CNTNAP2: variants seen among roughly 807,000 people sequenced by gnomAD.
CNTNAP2 encodes the protein contactin associated protein 2, also known as contactin-associated protein-like 2.
CNTNAP2 carries 98 observed loss-of-function variants against 155.2 expected under a neutral mutation model. The observed-to-expected ratio is 0.63, with a 90% CI of 0.54 to 0.75. The LOEUF (loss-of-function observed/expected upper bound fraction) is 0.75, where lower values mean the gene tolerates loss of function less well. CNTNAP2 is among the 30% of genes least tolerant of loss of function. The pLI, the probability that CNTNAP2 is intolerant of heterozygous loss-of-function variation, is 0.00. For synonymous variants in CNTNAP2, 651 were observed against 631.2 expected (o/e 1.03, Z -0.47); for missense variants, 1,727 against 1,688.1 (o/e 1.02, Z -0.40).
intron 16 of CNTNAP2, among the ~76,000 whole-genome samples, chr7:148,119,659 G>A (rs1427117404): frequency 6.6e-6 from 1 of 152,180 alleles, no homozygotes; most frequent in Non-Finnish European, 1.5e-5. Context: ...TGGATTCACA[G>A]TAGCATTCTT....
chr7:146,484,011 T>G (rs967771010), intron 1 of CNTNAP2, among the ~76,000 whole-genome samples: 6 of 152,206 alleles, frequency 3.9e-5, no homozygotes, highest in African/African-American at 1.4e-4. Flanking sequence ...GTAAGCTCCG[T>G]TCATAGTAAG....
intron 8 of CNTNAP2, among the ~76,000 whole-genome samples, chr7:147,279,110 C>A (rs1366089233): frequency 6.6e-6 from 1 of 151,498 alleles, no homozygotes; most frequent in Non-Finnish European, 1.5e-5. Flanking sequence ...GTAATACTTA[C>A]CTACATTTTG....
chr7:146,797,602 A>T (rs2129190679), intron 2 of CNTNAP2, among the ~76,000 whole-genome samples: 1 of 152,338 alleles, frequency 6.6e-6, no homozygotes, highest in East Asian at 1.9e-4. Flanking sequence ...GGGTAGAAGA[A>T]AAAGAAAGCA....
chr7:147,056,250 T>C (rs1799558929), intron 4 of CNTNAP2, among the ~76,000 whole-genome samples: 1 of 152,192 alleles, frequency 6.6e-6, no homozygotes, highest in Non-Finnish European at 1.5e-5. Flanking sequence ...CCATTTATCA[T>C]GTCTATTTAG....
chr7:147,500,312 A>G (rs1798786793), intron 11 of CNTNAP2, among the ~76,000 whole-genome samples: 1 of 152,178 alleles, frequency 6.6e-6, no homozygotes, highest in South Asian at 2.1e-4. Context: ...TATGAATGCA[A>G]AAACAGACCA....
intron 1 of CNTNAP2, among the ~76,000 whole-genome samples, chr7:146,721,013 C>G (rs1419093122): frequency 1.3e-4 from 14 of 107,988 alleles, no homozygotes; most frequent in African/African-American, 8.4e-4. Context: ...TATATATATA[C>G]TCTATATATT....
intron 3 of CNTNAP2, among the ~76,000 whole-genome samples, chr7:146,940,268 C>T (rs995607524): frequency 5.3e-5 from 8 of 152,058 alleles, no homozygotes; most frequent in East Asian, 1.9e-4. Context: ...TGCAGTGGCA[C>T]GATTTGGGCT....
At chr7:147,870,658 G>A (rs1035688796) in intron 13 of CNTNAP2, among the ~76,000 whole-genome samples, 13 of 152,138 alleles carry the variant, frequency 8.5e-5, no homozygotes, top group African/African-American at 1.9e-4. Context: ...TTTATATGCC[G>A]CAATTCATAA....
At chr7:147,422,444 C>A (rs1322986858) in intron 10 of CNTNAP2, among the ~76,000 whole-genome samples, 1 of 151,518 alleles carries the variant, frequency 6.6e-6, no homozygotes, top group African/African-American at 2.4e-5. Flanking sequence ...TTATATAATT[C>A]ATAATATTTA....
intron 21 of CNTNAP2, among the ~76,000 whole-genome samples, chr7:148,311,594 G>A (rs927530492): frequency 7.9e-5 from 12 of 152,130 alleles, no homozygotes; most frequent in African/African-American, 2.9e-4. Flanking sequence ...GCAAATCCTC[G>A]AGCTTGATGT....
intron 3 of CNTNAP2, among the ~76,000 whole-genome samples, chr7:147,020,496 T>C (rs901904081): frequency 6.6e-6 from 1 of 152,162 alleles, no homozygotes; most frequent in African/African-American, 2.4e-5. Flanking sequence ...CTCCTTGTTA[T>C]ATGGAGTTCT....
intron 13 of CNTNAP2, among the ~76,000 whole-genome samples, chr7:147,663,717 T>C (rs961528814): frequency 5.3e-5 from 8 of 152,372 alleles, no homozygotes; most frequent in African/African-American, 1.9e-4. Flanking sequence ...AGCTTTTGTG[T>C]AAATGAATGA....
chr7:148,150,456 G>A (rs2116657223), intron 17 of CNTNAP2, among the ~76,000 whole-genome samples: 1 of 152,154 alleles, frequency 6.6e-6, no homozygotes, highest in Middle Eastern at 3.4e-3. Flanking sequence ...GCTGAGGCAG[G>A]AGAATGGTGT....
chr7:147,374,653 C>T (rs1467098615), intron 9 of CNTNAP2, among the ~76,000 whole-genome samples: 2 of 151,978 alleles, frequency 1.3e-5, no homozygotes, highest in Non-Finnish European at 1.5e-5. Context: ...GTTCTACCCC[C>T]AAAGTCTTCC....
At chr7:148,189,418 G>A (rs1032798686) in intron 18 of CNTNAP2, among the ~76,000 whole-genome samples, 3 of 152,116 alleles carry the variant, frequency 2.0e-5, no homozygotes, top group African/African-American at 7.2e-5. Flanking sequence ...AAGCTCAAGA[G>A]CAGGCAATTA....
intron 1 of CNTNAP2, among the ~76,000 whole-genome samples, chr7:146,330,045 A>T (rs1801158425): frequency 1.0e-5 from 1 of 95,844 alleles, no homozygotes; most frequent in Non-Finnish European, 1.8e-5. Flanking sequence ...TTTTTGAGAC[A>T]GAGTTTCACT....
intron 8 of CNTNAP2, among the ~76,000 whole-genome samples, chr7:147,265,089 TCCC>T (rs1303359016): frequency 6.6e-6 from 1 of 152,156 alleles, no homozygotes; most frequent in African/African-American, 2.4e-5. Context: ...TCAGAAGGAC[TCCC>T]AGGTAAGGGA....
intron 14 of CNTNAP2, among the ~76,000 whole-genome samples, chr7:147,930,768 A>G (rs1800486865): frequency 6.6e-6 from 1 of 152,196 alleles, no homozygotes; most frequent in Non-Finnish European, 1.5e-5. Context: ...CACACAGAAC[A>G]TTCTCCAGGA....
intron 12 of CNTNAP2, among the ~76,000 whole-genome samples, chr7:147,597,863 T>C (rs755014746): frequency 3.9e-4 from 60 of 152,346 alleles, no homozygotes; most frequent in Middle Eastern, 3.4e-3. Context: ...TCAGGTTCTT[T>C]GCTAGCCACC....
Sources: gnomAD v4.1 joint callset for allele counts (sites outside exome capture counted in the v4.1 genomes callset) on GRCh38, gnomAD v4.1.1 for gene constraint, MANE v1.5 for transcripts, NCBI Gene and HGNC (gene_info 2026-07-23, HGNC 2026-07-21) for gene names.